ASAP3: variants seen among roughly 807,000 people sequenced by gnomAD.
The protein encoded by ASAP3 is ArfGAP with SH3 domain, ankyrin repeat and PH domain 3, also known as arf-GAP with SH3 domain, ANK repeat and PH domain-containing protein 3.
Under a neutral mutation model 118.2 loss-of-function variants are expected in ASAP3, and 85 were observed. The ratio of observed to expected loss-of-function variants is 0.72; its 90% confidence interval spans 0.60 to 0.86. The LOEUF (loss-of-function observed/expected upper bound fraction) is 0.86. Ranked by LOEUF, ASAP3 falls within the 40% of genes least tolerant of loss-of-function variation. ASAP3 has a pLI of 0.00. For synonymous variants in ASAP3, 432 were observed against 477.4 expected (o/e 0.90, Z 1.24); for missense variants, 1,026 against 1,175.0 (o/e 0.87, Z 1.85).
chr1:23,433,167 G>C lies in ASAP3; in HGVS notation c.2233C>G (p.Gln745Glu), dbSNP rs777425342. The change falls in exon 22 of 25, where the codon CAG becomes GAG. Residue 745 changes from glutamine (Q) to glutamate (E), a missense_variant. Gln to Glu is a conservative substitution (Grantham distance 29, BLOSUM62 2). Transcript: ENST00000336689. ...TVASLGAATPQGESEDCPPPL... is the reference protein window; with the variant it reads ...TVASLGAATPEGESEDCPPPL... ...GGGGGACAGTCCTCACTCTCGCCCTGAGGGGTGGCTGCTCCCAGGCTGGCG... is the reference window on the plus strand; with the variant it reads ...GGGGGACAGTCCTCACTCTCGCCCTCAGGGGTGGCTGCTCCCAGGCTGGCG... The C allele has an allele frequency of 1.9e-6, 3 of 1,614,164 alleles. No homozygotes were observed. In the Admixed American group the frequency reaches 5.0e-5, roughly 27 times the overall value.
chr1:23,451,597 T>G, intron 4 of ASAP3, 69 bp from the exon 5 acceptor site: 1 of 1,537,660 alleles, frequency 6.5e-7, no homozygotes, highest in South Asian at 1.1e-5. Context: ...TATGCTCTGC[T>G]GCCTGTAGGA....
intron 5 of ASAP3, among the ~76,000 whole-genome samples, chr1:23,447,864 A>G (rs2148626023): frequency 1.3e-5 from 2 of 152,308 alleles, no homozygotes; most frequent in South Asian, 4.1e-4. Flanking sequence ...CTGTGACAAA[A>G]TGGCTTTGTC....
chr1:23,443,661 G>T (rs1183537558), intron 5 of ASAP3, among the ~76,000 whole-genome samples: 1 of 150,856 alleles, frequency 6.6e-6, no homozygotes, highest in Non-Finnish European at 1.5e-5. Flanking sequence ...CTCCTGAGTA[G>T]CTGGGATTAC....
rs145893229 is a variant in ASAP3 at position 23,476,419 on chromosome 1, G to A, written c.129+7586C>T. ...GAGCACTGCCCACATGTACTCCATC[G>A]ACAAATCTTGACTGCTTATAAAACA... On this transcript the variant is annotated intron_variant, in intron 1 of 24. Transcript: ENST00000336689. Among the ~76,000 whole-genome samples the A allele has an allele frequency of 3.2e-4, 49 of 150,816 alleles. 1 individual carries two copies. Among genetic ancestry groups the A allele is most frequent in the African/African-American group, 1.0e-3 (43 of 41,074 alleles).
rs760294711 is a variant in ASAP3 at position 23,437,409 on chromosome 1, C to T, written c.1151+15G>A. 1 of 1,613,450 alleles carries T rather than the reference C, an allele frequency of 6.2e-7. No individual in the cohort carries two copies. Among genetic ancestry groups the T allele is most frequent in the East Asian group, 2.2e-5 (1 of 44,844 alleles). On this transcript the variant is annotated intron_variant, in intron 13 of 24. Coordinates refer to ENST00000336689, the MANE Select transcript of ASAP3 (RefSeq NM_017707.4). The surrounding 1 kb of genome is among the most constrained non-coding windows in gnomAD (Gnocchi z 6.1). ...CACCCACAAGGCTGGCCGGGCTGGC[C>T]GAGGGGGCACTCACGCCTCACACTC...
At chr1:23,462,494 C>T (rs528022067) in intron 1 of ASAP3, among the ~76,000 whole-genome samples, 6 of 151,488 alleles carry the variant, frequency 4.0e-5, no homozygotes, top group South Asian at 2.1e-4. Flanking sequence ...CAATCTCAGC[C>T]GGGCACAGTG....
At position 23,435,994 on chromosome 1, in the gene ASAP3, C is replaced by T. The variant is rs1640638568; in HGVS notation, c.1606G>A (p.Val536Met). The T allele has an allele frequency of 6.2e-7, 1 of 1,614,250 alleles. No individual in the cohort carries two copies. Among genetic ancestry groups the T allele is most frequent in the Non-Finnish European group, 8.5e-7 (1 of 1,180,054 alleles). ...CACCGGCGTGCAAACCTATGCTCCA[C>T]ATACTTGGCCATAATGTAGTCCCTG... ...TRRDYIMAKY[V>M]EHRFARRCTP... The change falls in exon 17 of 25, where the codon GTG becomes ATG. Residue 536 changes from valine to methionine, a missense_variant. Transcript: ENST00000336689.
At chr1:23,434,424 C>A in intron 18 of ASAP3, 55 bp from the exon 19 acceptor site, 2 of 1,602,626 alleles carry the variant, frequency 1.2e-6, no homozygotes, top group South Asian at 1.1e-5. Context: ...ATGAGGGGAT[C>A]AAAGTCAGGG....
In ASAP3 at chr1:23,460,506, C is replaced by CA. The variant is rs71023213; in HGVS notation, c.130-4313dup. 2.6e-3 allele frequency among the ~76,000 whole-genome samples: 222 copies of CA among 84,708 alleles called. 1 individual carries two copies. Among genetic ancestry groups the CA allele is most frequent in the East Asian group, 4.5e-3 (13 of 2,912 alleles). 55.6% of individuals were successfully genotyped at this position (84,708 alleles called of 152,430 possible). A position where few individuals can be genotyped will look rare whatever the true frequency, so the allele number is the denominator to read the frequency against. On this transcript the variant is annotated intron_variant, in intron 1 of 24. Coordinates refer to ENST00000336689, the MANE Select transcript of ASAP3 (RefSeq NM_017707.4). ...CAGGTGACAGAGTGAGACTCCATCT[C>CA]AAAAAAAAAAAAAAAAAAAACCAAA...
chr1:23,469,581 G>A lies in ASAP3; in HGVS notation c.130-13387C>T, dbSNP rs181667956. ...TAGGAACACAGCCAGGCCCTGGCCCGGAGCAGATCACCCAACAGGAAGGAC... is the reference window on the plus strand; with the variant it reads ...TAGGAACACAGCCAGGCCCTGGCCCAGAGCAGATCACCCAACAGGAAGGAC... On this transcript the variant is annotated intron_variant, in intron 1 of 24. Transcript: ENST00000336689. Among the ~76,000 whole-genome samples, 504 of 152,270 alleles carry A rather than the reference G, an allele frequency of 3.3e-3. 1 individual carries two copies. Among genetic ancestry groups the A allele is most frequent in the African/African-American group, 0.011 (475 of 41,556 alleles).
chr1:23,456,260 G>A lies in ASAP3; in HGVS notation c.130-66C>T, dbSNP rs150787458. The A allele has an allele frequency of 2.2e-5, 33 of 1,479,448 alleles. 1 individual carries two copies. The highest frequency in any genetic ancestry group is 9.3e-5 in the Admixed American group (5 of 54,024). The allele number at this position is 1,479,448 out of a possible 1,614,324, so 91.6% of individuals were successfully genotyped here. A position where few individuals can be genotyped will look rare whatever the true frequency, so the allele number is the denominator to read the frequency against. ...GGAATAGGGTGCTTCCTTCAGGAAC[G>A]CTGTATCTATGATTTCCACCCCCCA... On this transcript the variant is annotated intron_variant, in intron 1 of 24. Transcript: ENST00000336689.
At chr1:23,458,683 A>C (rs539025327) in intron 1 of ASAP3, among the ~76,000 whole-genome samples, 1 of 152,228 alleles carries the variant, frequency 6.6e-6, no homozygotes, top group African/African-American at 2.4e-5. Flanking sequence ...GTTTCTTTCT[A>C]AACTGGCCAA....
chr1:23,474,152 G>T (rs35412483), intron 1 of ASAP3, among the ~76,000 whole-genome samples: 1 of 151,790 alleles, frequency 6.6e-6, no homozygotes, highest in Non-Finnish European at 1.5e-5. Flanking sequence ...ATTTTTAGTA[G>T]AGATGGGGTT....
chr1:23,452,627 GC>G (rs1356399035), intron 4 of ASAP3, 69 bp downstream of exon 4: 7 of 1,512,250 alleles, frequency 4.6e-6, no homozygotes, highest in South Asian at 1.1e-5. Context: ...GTCCAGCCCT[GC>G]CCCCCAACAG....
Position 23,441,441 on chromosome 1 carries a change from C to T in ASAP3, c.780G>A (p.Lys260=). 6.2e-7 allele frequency: 1 copy of T among 1,614,172 alleles called. No individual in the cohort carries two copies. Among genetic ancestry groups the T allele is most frequent in the East Asian group, 2.2e-5 (1 of 44,884 alleles). Residue 260 remains lysine (K), a synonymous_variant, in exon 9 of 25, where the codon AAG becomes AAA. Coordinates refer to ENST00000336689, the MANE Select transcript of ASAP3 (RefSeq NM_017707.4). The part of the protein sequence containing the change: ...LHQAQEDELQ[K]LTQLRDSLRG... ...GGAGGGAGTCCCGGAGCTGGGTCAG[C>T]TTCTGTAGCTCGTCCTCCTGGGCCT... is the stretch of plus-strand genomic sequence containing the variant.
intron 1 of ASAP3, among the ~76,000 whole-genome samples, chr1:23,479,451 C>A (rs1464902010): frequency 6.6e-6 from 1 of 152,074 alleles, no homozygotes; most frequent in Admixed American, 6.6e-5. Flanking sequence ...CTCTGACGAT[C>A]AAAAAACAAA....
At chr1:23,475,390 T>C (rs1642096199) in intron 1 of ASAP3, among the ~76,000 whole-genome samples, 1 of 152,192 alleles carries the variant, frequency 6.6e-6, no homozygotes, top group Non-Finnish European at 1.5e-5. Flanking sequence ...TTCCCAGAAA[T>C]TCTGTGAACT....
chr1:23,455,666 G>C (rs1641358888), intron 3 of ASAP3, among the ~76,000 whole-genome samples: 1 of 152,164 alleles, frequency 6.6e-6, no homozygotes, highest in Non-Finnish European at 1.5e-5. Flanking sequence ...AGAGAAGGAG[G>C]AGAACAGAGA....
intron 1 of ASAP3, among the ~76,000 whole-genome samples, chr1:23,467,161 G>T (rs1641799053): frequency 6.7e-6 from 1 of 149,772 alleles, no homozygotes; most frequent in South Asian, 2.1e-4. Context: ...ACCTCACCCG[G>T]CCCATTACAG....
Sources: allele counts gnomAD v4.1 joint callset (sites outside exome capture counted in the v4.1 genomes callset), GRCh38; gene constraint gnomAD v4.1.1; non-coding constraint Gnocchi (gnomAD v3.1); transcripts MANE v1.5; gene names NCBI Gene and HGNC (gene_info 2026-07-23, HGNC 2026-07-21).